Variants in DNAJC21 observed in about 807,000 individuals in gnomAD.
DNAJC21 encodes the protein dnaJ homolog subfamily C member 21.
Under a neutral mutation model 72.4 loss-of-function variants are expected in DNAJC21, and 63 were observed. The observed-to-expected ratio is 0.87, with a 90% CI of 0.71 to 1.07. The LOEUF (loss-of-function observed/expected upper bound fraction) is 1.07. Among genes scored for constraint, DNAJC21 ranks in the 50% least tolerant of loss-of-function variants. DNAJC21 has a pLI of 0.00. For missense variants in DNAJC21, 634 were observed against 644.8 expected, an observed-to-expected ratio of 0.98 and a Z score of 0.18; for synonymous variants, 203 against 216.7, an observed-to-expected ratio of 0.94 and a Z score of 0.56.
At chr5:34,951,306 G>C in intron 10 of DNAJC21, 2 of 985,348 alleles carry the variant, frequency 2.0e-6, no homozygotes, top group Non-Finnish European at 2.4e-6. Context: ...TTCTACAAAT[G>C]GGGAAACTGA....
chr5:34,949,563 A>G (rs1316480318), intron 9 of DNAJC21: 13 of 1,560,404 alleles, frequency 8.3e-6, no homozygotes, highest in Non-Finnish European at 1.1e-5. Context: ...GCAAAGATTC[A>G]TATCTGCCTG....
intron 4 of DNAJC21, 30 bp downstream of exon 4, chr5:34,936,296 A>G: frequency 6.3e-7 from 1 of 1,595,108 alleles, no homozygotes. Context: ...TTCTATAATT[A>G]GTATTTATCA....
intron 9 of DNAJC21, chr5:34,949,631 G>GTC: frequency 6.2e-7 from 1 of 1,609,850 alleles, no homozygotes; most frequent in South Asian, 1.1e-5. Flanking sequence ...AGAAGAGATG[G>GTC]AGAGAGCGAG....
chr5:34,949,059 TCA>T (rs1415676402), intron 9 of DNAJC21, among the ~76,000 whole-genome samples: 1 of 152,144 alleles, frequency 6.6e-6, no homozygotes. Context: ...GACAGGATAT[TCA>T]CACAGTCTCA....
chr5:34,937,040 C>T (rs1318794150), intron 4 of DNAJC21, among the ~76,000 whole-genome samples: 1 of 152,154 alleles, frequency 6.6e-6, no homozygotes, highest in Non-Finnish European at 1.5e-5. Flanking sequence ...CGTGAGCCAC[C>T]ATGCCTACTT....
intron 10 of DNAJC21, chr5:34,951,801 G>C: frequency 1.0e-6 from 1 of 985,580 alleles, no homozygotes; most frequent in Non-Finnish European, 1.2e-6. Flanking sequence ...TGGGATTGCA[G>C]GTGTGAGCTA....
chr5:34,939,447 A>G (rs1263149699), intron 6 of DNAJC21, among the ~76,000 whole-genome samples: 1 of 151,796 alleles, frequency 6.6e-6, no homozygotes, highest in African/African-American at 2.4e-5. Context: ...TTGTATTTTT[A>G]GTAGAGACGG....
intron 1 of DNAJC21, among the ~76,000 whole-genome samples, chr5:34,932,750 C>G (rs1422743491): frequency 2.0e-5 from 3 of 152,252 alleles, no homozygotes; most frequent in Non-Finnish European, 4.4e-5. Context: ...TGGCCTCCTT[C>G]ACCCCATGAG....
Position 34,936,399 on chromosome 5 carries a change from G to C in DNAJC21, c.438+133G>C, listed in dbSNP as rs550158597. The C allele has an allele frequency of 4.7e-6, 5 of 1,065,518 alleles. No homozygotes were observed. In the African/African-American group the frequency reaches 6.5e-5, roughly 14 times the overall value. 66.0% of individuals were successfully genotyped at this position (1,065,518 alleles called of 1,614,324 possible). On this transcript the variant is annotated intron_variant, in intron 4 of 11. Transcript: ENST00000648817. Reference sequence around the variant, plus strand: ...AGTGGTATGATCATATCTCACAGCAGCCTCAAACTCCTGGGCTTAAGCAAT... The same window carrying C: ...AGTGGTATGATCATATCTCACAGCACCCTCAAACTCCTGGGCTTAAGCAAT...
rs532390659 is a variant in DNAJC21 at position 34,953,736 on chromosome 5, A to G, written c.1359-190A>G. The G allele has an allele frequency of 2.2e-5, 10 of 444,588 alleles. No individual in the cohort carries two copies. In the East Asian group the frequency reaches 2.9e-4, roughly 13 times the overall value. The allele number at this position is 444,588 out of a possible 1,614,324, so 27.5% of individuals were successfully genotyped here. ...ATTTTTGTGCCAAATTTGATATTCA[A>G]TTTGATTTCTGAAGTTGCTTTTTAA... is the stretch of plus-strand genomic sequence containing the variant. On this transcript the variant is annotated intron_variant, in intron 10 of 11. Coordinates refer to ENST00000648817, the MANE Select transcript of DNAJC21 (RefSeq NM_001012339.3).
intron 10 of DNAJC21, chr5:34,952,790 A>G (rs1264355819): frequency 1.3e-5 from 2 of 152,158 alleles, no homozygotes; most frequent in African/African-American, 4.8e-5. Context: ...ATGCATTACA[A>G]AGTCTTTGTT....
At chr5:34,948,354 G>A (rs1435473098) in intron 9 of DNAJC21, among the ~76,000 whole-genome samples, 1 of 152,128 alleles carries the variant, frequency 6.6e-6, no homozygotes, top group Non-Finnish European at 1.5e-5. Context: ...TGATTTCAGG[G>A]CTGAGACTAG....
At chr5:34,942,623 CTGAT>C (rs988058139) in intron 7 of DNAJC21, among the ~76,000 whole-genome samples, 26 of 152,274 alleles carry the variant, frequency 1.7e-4, no homozygotes, top group East Asian at 5.8e-4. Flanking sequence ...TATAGTGTGT[CTGAT>C]TGACCTGTTA....
intron 9 of DNAJC21, among the ~76,000 whole-genome samples, chr5:34,946,460 T>C (rs186816993): frequency 6.6e-4 from 100 of 152,242 alleles, no homozygotes; most frequent in African/African-American, 2.1e-3. Context: ...ACATTAAGTA[T>C]TAAATATTTT....
chr5:34,956,106 T>C lies in DNAJC21; in HGVS notation c.*1392T>C, dbSNP rs982566744. On this transcript the variant is annotated 3_prime_UTR_variant, in exon 12 of 12. Transcript: ENST00000648817. ...TAATTTTAAACTCACTGGCTTGAAA[T>C]GTGTGCTTTCTGTACAATGAAGTTA... 6.3e-5 allele frequency: 9 copies of C among 143,224 alleles called. No homozygotes were observed. The highest frequency in any genetic ancestry group is 2.1e-4 in the African/African-American group (8 of 38,490). The allele number at this position is 143,224 out of a possible 1,614,324, so 8.9% of individuals were successfully genotyped here. A position where few individuals can be genotyped will look rare whatever the true frequency, so the allele number is the denominator to read the frequency against.
At chr5:34,948,175 T>C (rs368407961) in intron 9 of DNAJC21, among the ~76,000 whole-genome samples, 1 of 152,112 alleles carries the variant, frequency 6.6e-6, no homozygotes, top group Admixed American at 6.5e-5. Flanking sequence ...GAAGTGGAGA[T>C]GTTGGTATGA....
In DNAJC21 at chr5:34,937,499, T is replaced by C. The variant is rs772552316; in HGVS notation, c.612T>C (p.Arg204=). 3 of 1,614,138 alleles carry C rather than the reference T, an allele frequency of 1.9e-6. No homozygotes were observed. The Admixed American group carries it at 5.0e-5, about 27-fold the overall frequency. ...KARKEKNELV[R]QLVAFIRKRD... ...GGAAAGAGAAGAATGAGCTTGTCCG[T>C]CAGCTGGTAGCTTTCATTCGTAAAA... is the stretch of plus-strand genomic sequence containing the variant. The change falls in exon 5 of 12, where the codon CGT becomes CGC. Residue 204 remains arginine, a synonymous_variant. Coordinates refer to ENST00000648817, the MANE Select transcript of DNAJC21 (RefSeq NM_001012339.3).
At position 34,948,376 on chromosome 5, in the gene DNAJC21, G is replaced by A. The variant is rs75520107; in HGVS notation, c.1186-1794G>A. On this transcript the variant is annotated intron_variant, in intron 9 of 11. Transcript: ENST00000648817. Reference sequence around the variant, plus strand: ...AGGGCTGAGACTAGGAAAGTGGAACGTGAGCCTAGAGCATCTTATACTAGA... The same window carrying A: ...AGGGCTGAGACTAGGAAAGTGGAACATGAGCCTAGAGCATCTTATACTAGA... Among the ~76,000 whole-genome samples the A allele has an allele frequency of 5.7e-3, 871 of 152,288 alleles. 7 individuals carry two copies. The highest frequency in any genetic ancestry group is 0.019 in the African/African-American group (810 of 41,542).
At position 34,954,637 on chromosome 5, in the gene DNAJC21, G is replaced by A. The variant is rs1448984011; in HGVS notation, c.1519G>A (p.Ala507Thr). The A allele has an allele frequency of 1.1e-5, 17 of 1,613,652 alleles. No homozygotes were observed. The highest frequency in any genetic ancestry group is 1.7e-5 in the Admixed American group (1 of 59,890). Residue 507 changes from alanine (A) to threonine (T), a missense_variant, in exon 12 of 12, where the codon GCA becomes ACA. Coordinates refer to ENST00000648817, the MANE Select transcript of DNAJC21 (RefSeq NM_001012339.3). ...TGACCATCTAAAGGCCACAGGTCAT[G>A]CAAGAGCACCTTCATCATCGTCTTT... ...LFDHLKATGHARAPSSSSLNS... is the reference protein window; with the variant it reads ...LFDHLKATGHTRAPSSSSLNS...
Sources: gnomAD v4.1 joint callset for allele counts (sites outside exome capture counted in the v4.1 genomes callset) on GRCh38, gnomAD v4.1.1 for gene constraint, MANE v1.5 for transcripts, NCBI Gene and HGNC (gene_info 2026-07-23, HGNC 2026-07-21) for gene names.